The following SEMA3E variants were observed in gnomAD, a reference collection of about 807,000 sequenced individuals.
The protein encoded by SEMA3E is semaphorin 3E.
Under a neutral mutation model 93.6 loss-of-function variants are expected in SEMA3E, and 49 were observed. The observed-to-expected ratio is 0.52, with a 90% CI of 0.42 to 0.66. The LOEUF is 0.66. Ranked by LOEUF, SEMA3E falls within the 30% of genes least tolerant of loss-of-function variation. The pLI is 0.00. For missense variants in SEMA3E, 906 were observed against 964.8 expected (o/e 0.94, Z 0.81); for synonymous variants, 363 against 330.7 (o/e 1.10, Z -1.06).
intron 1 of SEMA3E, among the ~76,000 whole-genome samples, chr7:83,644,978 C>G (rs1258095062): frequency 1.3e-5 from 2 of 151,952 alleles, no homozygotes; most frequent in African/African-American, 4.8e-5. Flanking sequence ...ACTTCAAACA[C>G]CTACCCCTGT....
rs767822168 is a variant in SEMA3E, at chr7:83,400,214, T to G, written c.1180A>C (p.Thr394Pro). The stretch of plus-strand genomic sequence containing the variant: ...ATGGCATCATCAGGATAGTCCTTGG[T>G]GGTTCCGTATCTCCCTCCATTTACT... ...SKVNGGRYGT[T>P]KDYPDDAIRF... The change falls in exon 11 of 17, where the codon ACC becomes CCC. Residue 394 changes from threonine to proline, a missense_variant. Physicochemically the swap from Thr to Pro is conservative, Grantham distance 38 (BLOSUM62 -1). Coordinates refer to ENST00000643230, the MANE Select transcript of SEMA3E (RefSeq NM_012431.3). 6.2e-7 allele frequency: 1 copy of G among 1,613,990 alleles called. No homozygotes were observed. Among genetic ancestry groups the G allele is most frequent in the South Asian group, 1.1e-5 (1 of 91,080 alleles).
chr7:83,531,780 T>C (rs182978474), intron 1 of SEMA3E, among the ~76,000 whole-genome samples: 247 of 152,328 alleles, frequency 1.6e-3, no homozygotes, highest in African/African-American at 5.2e-3. Context: ...ATGAATAAAT[T>C]TTAAGATAGC....
intron 1 of SEMA3E, among the ~76,000 whole-genome samples, chr7:83,609,207 A>C (rs1793194255): frequency 6.6e-6 from 1 of 152,044 alleles, no homozygotes; most frequent in Non-Finnish European, 1.5e-5. Context: ...GTTATGTTGA[A>C]ACAGTGTATG....
intron 11 of SEMA3E, among the ~76,000 whole-genome samples, chr7:83,398,736 G>C (rs945207280): frequency 2.0e-5 from 3 of 152,144 alleles, no homozygotes; most frequent in Non-Finnish European, 4.4e-5. Flanking sequence ...CTGAGGTCAG[G>C]AGTTCGAGAC....
In SEMA3E at chr7:83,463,011, A is replaced by G. The variant is rs555987626; in HGVS notation, c.456+3471T>C. On this transcript the variant is annotated intron_variant, in intron 4 of 16. Transcript: ENST00000643230. Reference sequence around the variant, plus strand: ...ACCCATCAAGCTTAGCAAATTACCTAGGCTGTACTGCCGCAAAGCTTCACA... The same window carrying G: ...ACCCATCAAGCTTAGCAAATTACCTGGGCTGTACTGCCGCAAAGCTTCACA... 5.4e-3 allele frequency among the ~76,000 whole-genome samples: 754 copies of G among 139,706 alleles called. 12 individuals are homozygous for G. The highest frequency in any genetic ancestry group is 0.018 in the African/African-American group (716 of 39,562). 91.7% of individuals were successfully genotyped at this position (139,706 alleles called of 152,430 possible).
At chr7:83,597,641 T>C (rs1396890101) in intron 1 of SEMA3E, among the ~76,000 whole-genome samples, 1 of 152,172 alleles carries the variant, frequency 6.6e-6, no homozygotes, top group African/African-American at 2.4e-5. Context: ...TTATTGGACT[T>C]ATATTCACTT....
chr7:83,570,775 T>G (rs79792124), intron 1 of SEMA3E, among the ~76,000 whole-genome samples: 3,129 of 149,190 alleles, frequency 0.021, 113 homozygotes, highest in African/African-American at 0.074. Flanking sequence ...TTGAAAGAAT[T>G]AACAATATTG....
At chr7:83,445,258 G>C (rs1317533401) in intron 4 of SEMA3E, among the ~76,000 whole-genome samples, 1 of 152,186 alleles carries the variant, frequency 6.6e-6, no homozygotes, top group Admixed American at 6.5e-5. Flanking sequence ...CAATAAATCA[G>C]CTTGTAGGTT....
intron 4 of SEMA3E, chr7:83,424,785 GT>G: frequency 6.1e-6 from 1 of 162,648 alleles, no homozygotes; most frequent in South Asian, 1.6e-4. Flanking sequence ...GAGATAAGAT[GT>G]TTTGATAAAA....
chr7:83,504,312 A>G (rs995167647), intron 1 of SEMA3E, among the ~76,000 whole-genome samples: 1 of 152,176 alleles, frequency 6.6e-6, no homozygotes, highest in Non-Finnish European at 1.5e-5. Context: ...GAACCTACTC[A>G]TCTACATTAT....
chr7:83,490,391 T>C, intron 1 of SEMA3E, 117 bp from the exon 2 acceptor site: 2 of 972,262 alleles, frequency 2.1e-6, no homozygotes. Context: ...ACATTCATTT[T>C]ATCATACATA....
chr7:83,610,682 T>C (rs1040721905), intron 1 of SEMA3E, among the ~76,000 whole-genome samples: 5 of 152,102 alleles, frequency 3.3e-5, no homozygotes, highest in Admixed American at 6.6e-5. Flanking sequence ...TATTTGGAGA[T>C]AGAGACTTTA....
At chr7:83,420,531 A>C (rs1457303651) in intron 4 of SEMA3E, among the ~76,000 whole-genome samples, 3 of 152,154 alleles carry the variant, frequency 2.0e-5, no homozygotes, top group African/African-American at 7.2e-5. Context: ...AACAACAAAA[A>C]CAAAGAAAAA....
chr7:83,607,554 T>C (rs1422835167), intron 1 of SEMA3E, among the ~76,000 whole-genome samples: 2 of 152,200 alleles, frequency 1.3e-5, no homozygotes, highest in African/African-American at 4.8e-5. Context: ...TATACAAATA[T>C]AAACTGGGTC....
At chr7:83,535,809 A>G (rs2115743042) in intron 1 of SEMA3E, among the ~76,000 whole-genome samples, 1 of 152,252 alleles carries the variant, frequency 6.6e-6, no homozygotes, top group Admixed American at 6.5e-5. Context: ...TAAATAGTTT[A>G]TAAAAAAATG....
At chr7:83,480,015 G>A (rs1314619128) in intron 2 of SEMA3E, among the ~76,000 whole-genome samples, 2 of 152,060 alleles carry the variant, frequency 1.3e-5, no homozygotes, top group Non-Finnish European at 2.9e-5. Context: ...AGAGAAAATG[G>A]CAGAAAAATG....
intron 4 of SEMA3E, among the ~76,000 whole-genome samples, chr7:83,454,272 A>AAAAAAAAAAAAATAT (rs1257792756): frequency 6.4e-5 from 7 of 110,134 alleles, no homozygotes; most frequent in African/African-American, 3.0e-4. Context: ...AAAAAAAAAA[A>AAAAAAAAAAAAATAT]ATATATATAT....
chr7:83,552,750 G>C (rs1791791373), intron 1 of SEMA3E, among the ~76,000 whole-genome samples: 3 of 152,102 alleles, frequency 2.0e-5, no homozygotes, highest in South Asian at 4.1e-4. Flanking sequence ...AGGCTTACTA[G>C]GGTGGCGAAA....
intron 16 of SEMA3E, among the ~76,000 whole-genome samples, chr7:83,377,119 A>G (rs1316659443): frequency 6.6e-6 from 1 of 152,064 alleles, no homozygotes; most frequent in African/African-American, 2.4e-5. Context: ...GGATATACTT[A>G]GATTTTGTCA....
Sources: allele counts gnomAD v4.1 joint callset (sites outside exome capture counted in the v4.1 genomes callset), GRCh38; gene constraint gnomAD v4.1.1; transcripts MANE v1.5; gene names NCBI Gene and HGNC (gene_info 2026-07-23, HGNC 2026-07-21).